Variants in TRPM2 observed in about 807,000 individuals in gnomAD.
The protein encoded by TRPM2 is transient receptor potential cation channel subfamily M member 2, also known as estrogen-responsive element-associated gene 1 protein.
A neutral mutation model predicts 174.0 loss-of-function variants in TRPM2; 161 were observed. The ratio of observed to expected loss-of-function variants is 0.93; its 90% confidence interval spans 0.81 to 1.05. The LOEUF (loss-of-function observed/expected upper bound fraction) is 1.05, where lower values mean the gene tolerates loss of function less well. Ranked by LOEUF, TRPM2 falls within the 50% of genes least tolerant of loss-of-function variation. The pLI is 0.00. For synonymous variants in TRPM2, 954 were observed against 861.3 expected, an observed-to-expected ratio of 1.11 and a Z score of -1.88; for missense variants, 2,057 against 2,038.0, an observed-to-expected ratio of 1.01 and a Z score of -0.18.
chr21:44,426,605 C>T (rs2050788484), intron 25 of TRPM2, 55 bp from the exon 26 acceptor site: 1 of 1,587,962 alleles, frequency 6.3e-7, no homozygotes, highest in Non-Finnish European at 8.6e-7. Flanking sequence ...TGGTGCCTGG[C>T]CCAGCTTTGC....
intron 8 of TRPM2, among the ~76,000 whole-genome samples, chr21:44,380,999 T>C (rs1465577013): frequency 6.6e-6 from 1 of 152,068 alleles, no homozygotes; most frequent in African/African-American, 2.4e-5. Context: ...ATGGGGGTGC[T>C]GAAAGCCAGG....
intron 27 of TRPM2, among the ~76,000 whole-genome samples, chr21:44,428,119 C>T (rs1292406734): frequency 6.6e-6 from 1 of 152,150 alleles, no homozygotes; most frequent in Admixed American, 6.5e-5. Context: ...ATGCACCATG[C>T]TTCTGTTGTG....
At chr21:44,412,985 A>G (rs1169094081) in intron 19 of TRPM2, among the ~76,000 whole-genome samples, 1 of 152,158 alleles carries the variant, frequency 6.6e-6, no homozygotes, top group Non-Finnish European at 1.5e-5. Flanking sequence ...AATGTTATTC[A>G]TAATTTCACC....
chr21:44,405,085 G>A, intron 16 of TRPM2, 57 bp from the exon 17 acceptor site: 5 of 1,603,624 alleles, frequency 3.1e-6, no homozygotes, highest in Non-Finnish European at 4.3e-6. Context: ...GACAGTGACA[G>A]TGAGGATAGT....
chr21:44,427,064 C>A lies in TRPM2; in HGVS notation c.3927C>A (p.Asp1309Glu). ...IQYNVVDGLR[D>E]RRSFHGPYTV... ...ACAACGTGGTGGATGGCCTGAGGGA[C>A]CGCCGGAGCTTCCACGGGCCGTACA... Residue 1309 changes from aspartate to glutamate, a missense_variant, in exon 27 of 32, where the codon GAC (aspartate) becomes GAA (glutamate). By Grantham distance (45) the Asp-to-Glu change is conservative (BLOSUM62 2). Transcript: ENST00000397928. 6.2e-7 allele frequency: 1 copy of A among 1,607,716 alleles called. No homozygotes were observed. The highest frequency in any genetic ancestry group is 2.2e-5 in the East Asian group (1 of 44,714).
At chr21:44,426,924 C>T in intron 26 of TRPM2, 86 bp from the exon 27 acceptor site, 1 of 1,442,120 alleles carries the variant, frequency 6.9e-7, no homozygotes, top group Non-Finnish European at 9.4e-7. Context: ...CGGCTGGGCC[C>T]TTGGTGGGGG....
At chr21:44,410,350 T>A (rs111955961) in intron 19 of TRPM2, among the ~76,000 whole-genome samples, 5 of 39,516 alleles carry the variant, frequency 1.3e-4, no homozygotes, top group African/African-American at 4.3e-4. Context: ...TCTTGGTTGG[T>A]GTAGCCTTGT....
chr21:44,418,764 C>G (rs915449779), intron 22 of TRPM2, among the ~76,000 whole-genome samples: 2 of 152,114 alleles, frequency 1.3e-5, no homozygotes, highest in Non-Finnish European at 2.9e-5. Context: ...CTTAGGAAGG[C>G]TGGGCCCCAC....
At chr21:44,407,385 C>G (rs1396366324) in intron 19 of TRPM2, among the ~76,000 whole-genome samples, 1 of 148,538 alleles carries the variant, frequency 6.7e-6, no homozygotes, top group African/African-American at 2.5e-5. Context: ...CTTGGCCTCC[C>G]AAAGTGCTGA....
At chr21:44,382,550 T>C (rs1181306096) in intron 8 of TRPM2, among the ~76,000 whole-genome samples, 168 bp from the exon 9 acceptor site, 2 of 152,078 alleles carry the variant, frequency 1.3e-5, no homozygotes, top group East Asian at 3.9e-4. Flanking sequence ...TCCCCATGGA[T>C]CTTCATCTGC....
At chr21:44,351,659 C>G (rs1057392350), upstream of TRPM2, among the ~76,000 whole-genome samples, 2 of 152,212 alleles carry the variant, frequency 1.3e-5, no homozygotes, top group African/African-American at 4.8e-5. Flanking sequence ...AGGTCGTTGC[C>G]AGGCCTGGGT....
At chr21:44,415,118 G>C (rs746512863) in intron 20 of TRPM2, 1 of 152,200 alleles carries the variant, frequency 6.6e-6, no homozygotes. Flanking sequence ...CTGCCCTCCC[G>C]TGCCATTGGG....
chr21:44,419,639 T>C (rs1213956821), intron 22 of TRPM2, among the ~76,000 whole-genome samples: 1 of 24,966 alleles, frequency 4.0e-5, no homozygotes, highest in Non-Finnish European at 9.0e-5. Flanking sequence ...GTGATGGTGG[T>C]GGTGTTGGTG....
intron 5 of TRPM2, among the ~76,000 whole-genome samples, chr21:44,375,300 C>T (rs907511981): frequency 7.2e-5 from 11 of 152,236 alleles, no homozygotes; most frequent in South Asian, 2.1e-4. Context: ...ATCCTCCCGT[C>T]GTCTCCCCAT....
upstream of TRPM2, among the ~76,000 whole-genome samples, chr21:44,352,295 G>T (rs1181496962): frequency 6.6e-6 from 1 of 152,238 alleles, no homozygotes; most frequent in African/African-American, 2.4e-5. Flanking sequence ...GAAGTTTACG[G>T]GTCTCGGAAT....
chr21:44,400,501 T>A (rs924656041), intron 15 of TRPM2, 130 bp downstream of exon 15: 19 of 808,302 alleles, frequency 2.4e-5, no homozygotes, highest in Non-Finnish European at 3.3e-5. Context: ...TGTCCCTGGA[T>A]CCTGGGGCTG....
chr21:44,438,173 C>T lies in TRPM2; in HGVS notation c.4168-894C>T, dbSNP rs2051349974. Among the ~76,000 whole-genome samples, 1 of 152,228 alleles carries T rather than the reference C, an allele frequency of 6.6e-6. No homozygotes were observed. Among genetic ancestry groups the T allele is most frequent in the African/African-American group, 2.4e-5 (1 of 41,458 alleles). On this transcript the variant is annotated intron_variant, in intron 29 of 31. Transcript: ENST00000397928. The surrounding 1 kb of genome is among the most constrained non-coding windows in gnomAD (Gnocchi z 5.9). ...GGCCTGTCTCCACAGCTGGAACCAC[C>T]CCCGCAGCAGAGGGGGCCTTTGGCC... is the stretch of plus-strand genomic sequence containing the variant.
chr21:44,400,028 G>A (rs1395007071), intron 14 of TRPM2, among the ~76,000 whole-genome samples: 1 of 152,218 alleles, frequency 6.6e-6, no homozygotes, highest in Admixed American at 6.5e-5. Flanking sequence ...GCCTGCAACT[G>A]CGGGGCCTTC....
At chr21:44,408,544 C>T (rs1005957139) in intron 19 of TRPM2, among the ~76,000 whole-genome samples, 7 of 151,624 alleles carry the variant, frequency 4.6e-5, no homozygotes, top group Non-Finnish European at 1.0e-4. Context: ...CTCTCCTTGT[C>T]GCTTTGACGG....
Sources: allele counts gnomAD v4.1 joint callset (sites outside exome capture counted in the v4.1 genomes callset), GRCh38; gene constraint gnomAD v4.1.1; non-coding constraint Gnocchi (gnomAD v3.1); transcripts MANE v1.5; gene names NCBI Gene and HGNC (gene_info 2026-07-23, HGNC 2026-07-21).